GRIK2: variants seen among roughly 807,000 people sequenced by gnomAD.
GRIK2 encodes glutamate ionotropic receptor kainate type subunit 2.
A neutral mutation model predicts 100.3 loss-of-function variants in GRIK2; 32 were observed. The observed-to-expected ratio is 0.32, with a 90% CI of 0.24 to 0.43. The LOEUF is 0.43. GRIK2 is among the 20% of genes least tolerant of loss of function. GRIK2 has a pLI of 1.00. For synonymous variants in GRIK2, 417 were observed against 389.4 expected (o/e 1.07, Z -0.83); for missense variants, 843 against 1,114.9 (o/e 0.76, Z 3.47).
At position 101,399,091 on chromosome 6, in the gene GRIK2, C is replaced by T; in HGVS notation, c.-187C>T. ...CTTGCAGTGGAAGGTTGTTCCTTGG[C>T]GCAGTGAGTGAAGAACATGCAGCGA... is the stretch of plus-strand genomic sequence containing the variant. On this transcript the variant is annotated 5_prime_UTR_variant, in exon 2 of 17. Coordinates refer to ENST00000369134, the MANE Select transcript of GRIK2 (RefSeq NM_021956.5). The T allele has an allele frequency of 1.9e-6, 1 of 530,226 alleles. No homozygotes were observed. Among genetic ancestry groups the T allele is most frequent in the South Asian group, 2.8e-5 (1 of 35,834 alleles). 32.8% of individuals were successfully genotyped at this position (530,226 alleles called of 1,614,324 possible).
chr6:101,994,426 T>C (rs748015735), intron 14 of GRIK2, among the ~76,000 whole-genome samples: 2 of 151,894 alleles, frequency 1.3e-5, no homozygotes, highest in Non-Finnish European at 2.9e-5. Flanking sequence ...GTGAATAATT[T>C]GTTTTTCTCT....
chr6:101,592,493 G>A (rs1432991037), intron 2 of GRIK2, among the ~76,000 whole-genome samples: 1 of 149,998 alleles, frequency 6.7e-6, no homozygotes. Flanking sequence ...CAATTCCTGG[G>A]AAGACCAGCT....
intron 9 of GRIK2, among the ~76,000 whole-genome samples, chr6:101,813,402 A>G (rs1388302547): frequency 6.6e-6 from 1 of 152,174 alleles, no homozygotes; most frequent in Non-Finnish European, 1.5e-5. Flanking sequence ...AATACCTTTA[A>G]GTCTGCAACC....
intron 7 of GRIK2, among the ~76,000 whole-genome samples, chr6:101,730,841 G>C (rs1469234674): frequency 6.6e-6 from 1 of 151,868 alleles, no homozygotes; most frequent in South Asian, 2.1e-4. Flanking sequence ...GATCAACCAT[G>C]ATTTGAGAGA....
chr6:101,434,236 G>A (rs898674503), intron 2 of GRIK2, among the ~76,000 whole-genome samples: 9 of 152,186 alleles, frequency 5.9e-5, no homozygotes, highest in Middle Eastern at 3.2e-3. Context: ...AGGAAGAGAG[G>A]ATGCAATGGG....
intron 2 of GRIK2, among the ~76,000 whole-genome samples, chr6:101,503,714 C>A (rs1773884510): frequency 6.6e-6 from 1 of 152,134 alleles, no homozygotes; most frequent in African/African-American, 2.4e-5. Flanking sequence ...TCTTCTCTTT[C>A]TATGGCTTGA....
intron 7 of GRIK2, among the ~76,000 whole-genome samples, chr6:101,738,056 A>G (rs565522375): frequency 1.3e-5 from 2 of 152,178 alleles, no homozygotes; most frequent in Non-Finnish European, 1.5e-5. Flanking sequence ...AGAGAAACAG[A>G]CAAAACTCTT....
chr6:101,716,022 TC>T (rs1562330218), intron 7 of GRIK2, among the ~76,000 whole-genome samples: 3 of 151,946 alleles, frequency 2.0e-5, no homozygotes, highest in Non-Finnish European at 2.9e-5. Flanking sequence ...TTCCTCCACT[TC>T]CACCTTCTAC....
At chr6:101,545,381 A>G (rs542675521) in intron 2 of GRIK2, among the ~76,000 whole-genome samples, 3 of 152,314 alleles carry the variant, frequency 2.0e-5, no homozygotes, top group African/African-American at 4.8e-5. Flanking sequence ...GGCCGTGTAC[A>G]TATTTCCAGT....
intron 6 of GRIK2, among the ~76,000 whole-genome samples, chr6:101,683,118 G>A (rs1474679038): frequency 6.6e-6 from 1 of 151,982 alleles, no homozygotes; most frequent in Non-Finnish European, 1.5e-5. Context: ...CAGGAGAATT[G>A]CTTGGACCTG....
intron 2 of GRIK2, among the ~76,000 whole-genome samples, chr6:101,532,924 C>T (rs1775514260): frequency 1.3e-5 from 2 of 151,224 alleles, no homozygotes; most frequent in South Asian, 4.2e-4. Flanking sequence ...TAGAATCATT[C>T]AATATATTTA....
intron 12 of GRIK2, among the ~76,000 whole-genome samples, chr6:101,910,733 A>C (rs953002378): frequency 6.6e-6 from 1 of 151,150 alleles, no homozygotes; most frequent in African/African-American, 2.4e-5. Context: ...CTTGAAATTG[A>C]AACAAAGAAG....
At chr6:101,892,774 A>T (rs1267027342) in intron 12 of GRIK2, among the ~76,000 whole-genome samples, 1 of 151,778 alleles carries the variant, frequency 6.6e-6, no homozygotes, top group Non-Finnish European at 1.5e-5. Context: ...TAAAGTAATA[A>T]CACAAGGATA....
chr6:101,965,440 T>C (rs1049054090), intron 14 of GRIK2, among the ~76,000 whole-genome samples: 1 of 150,602 alleles, frequency 6.6e-6, no homozygotes, highest in Non-Finnish European at 1.5e-5. Flanking sequence ...AGTCAGAGAG[T>C]CTATCTTCAG....
chr6:101,924,765 C>A (rs759008368), intron 13 of GRIK2, 46 bp downstream of exon 13: 2 of 1,184,622 alleles, frequency 1.7e-6, no homozygotes, highest in Non-Finnish European at 2.5e-6. Flanking sequence ...ATGTCCCACT[C>A]TTTGCTGGGG....
At chr6:102,005,620 G>C (rs1795175112) in intron 14 of GRIK2, among the ~76,000 whole-genome samples, 1 of 151,882 alleles carries the variant, frequency 6.6e-6, no homozygotes, top group Non-Finnish European at 1.5e-5. Context: ...CACTTATCTT[G>C]TTCATTAATT....
intron 7 of GRIK2, among the ~76,000 whole-genome samples, chr6:101,731,261 C>A (rs1460127248): frequency 6.6e-6 from 1 of 151,918 alleles, no homozygotes; most frequent in Non-Finnish European, 1.5e-5. Context: ...TTCATGCCTG[C>A]CCTCAGTTAC....
chr6:101,743,032 A>G (rs1776147493), intron 7 of GRIK2, among the ~76,000 whole-genome samples: 1 of 152,212 alleles, frequency 6.6e-6, no homozygotes, highest in African/African-American at 2.4e-5. Context: ...ATACGAGCAT[A>G]GTCAAGCTTC....
rs575728331 is a variant in GRIK2 at position 101,877,813 on chromosome 6, A to G, written c.1525-11827A>G. Among the ~76,000 whole-genome samples the G allele has an allele frequency of 5.0e-4, 76 of 151,856 alleles. No homozygotes were observed. In the South Asian group the frequency reaches 8.1e-3, roughly 16 times the overall value. ...TTGTTCCTTAATACATTTTCATTCT[A>G]TGTGGAGAGATAAACAGTCCATCAA... On this transcript the variant is annotated intron_variant, in intron 11 of 16. Coordinates refer to ENST00000369134, the MANE Select transcript of GRIK2 (RefSeq NM_021956.5).
Sources: allele counts gnomAD v4.1 joint callset (sites outside exome capture counted in the v4.1 genomes callset), GRCh38; gene constraint gnomAD v4.1.1; transcripts MANE v1.5; gene names NCBI Gene and HGNC (gene_info 2026-07-23, HGNC 2026-07-21).